CNKSR2: variants seen among roughly 807,000 people sequenced by gnomAD.
CNKSR2 encodes connector enhancer of kinase suppressor of Ras 2.
A neutral mutation model predicts 84.4 loss-of-function variants in CNKSR2; 14 were observed. That is an observed-to-expected ratio of 0.17 (90% CI 0.11 to 0.26). CNKSR2 has a LOEUF of 0.26. CNKSR2 is among the 10% of genes least tolerant of loss of function. The probability of loss-of-function intolerance (pLI) is 1.00; values close to 1 mark genes in which losing one functional copy is unlikely to be tolerated. For synonymous variants in CNKSR2, 275 were observed against 277.9 expected (o/e 0.99, Z 0.10); for missense variants, 485 against 771.2 (o/e 0.63, Z 4.40).
intron 18 of CNKSR2, among the ~76,000 whole-genome samples, chrX:21,603,326 A>G (rs779602898): frequency 8.9e-6 from 1 of 112,367 alleles, no homozygotes; most frequent in South Asian, 3.7e-4. Flanking sequence ...ATTAGGTTGC[A>G]TGGTATTCCA....
intron 3 of CNKSR2, among the ~76,000 whole-genome samples, chrX:21,434,823 T>G (rs908327844): frequency 7.3e-5 from 8 of 109,527 alleles, no homozygotes; most frequent in Non-Finnish European, 1.5e-4. Flanking sequence ...ATCTTTAATT[T>G]TATTCTAGAT....
chrX:21,387,532 T>C (rs2089986210), intron 1 of CNKSR2, among the ~76,000 whole-genome samples: 1 of 111,873 alleles, frequency 8.9e-6, no homozygotes, highest in African/African-American at 3.3e-5. Flanking sequence ...TGAGGAACTA[T>C]AACACTATTA....
At chrX:21,506,412 G>A (rs1007824093) in intron 8 of CNKSR2, 3 of 111,288 alleles carry the variant, frequency 2.7e-5, no homozygotes, top group Non-Finnish European at 5.7e-5. Flanking sequence ...TGGTTTATGA[G>A]AGCTTCATAG....
At chrX:21,463,473 G>A (rs932963886) in intron 4 of CNKSR2, among the ~76,000 whole-genome samples, 2 of 111,239 alleles carry the variant, frequency 1.8e-5, no homozygotes, top group African/African-American at 6.5e-5. Flanking sequence ...TTTCCTTTTT[G>A]GGAGACTTTT....
Position 21,609,591 on chromosome X carries a change from C to A in CNKSR2, c.2666C>A (p.Ala889Glu), listed in dbSNP as rs893893504. The A allele has an allele frequency of 2.5e-6, 3 of 1,202,520 alleles. No individual in the cohort carries two copies. The highest frequency in any genetic ancestry group is 2.2e-5 in the Admixed American group (1 of 45,278). ...EEEEEEEEGE[A>E]AGENIGEKSE... is the part of the protein sequence containing the mutation. Reference sequence around the variant, plus strand: ...GAGGAGGAGGAGGAGGAAGGGGAGGCAGCAGGGGAAAACATAGGAGAAAAA... The same window carrying A: ...GAGGAGGAGGAGGAGGAAGGGGAGGAAGCAGGGGAAAACATAGGAGAAAAA... Residue 889 changes from alanine to glutamate, a missense_variant, in exon 20 of 22, where the codon GCA becomes GAA. By Grantham distance (107) the Ala-to-Glu change is moderately radical. This residue lies in a region of CNKSR2 where 210 missense variants were observed against 291.5 expected (regional missense o/e 0.72). Transcript: ENST00000379510.
In CNKSR2 at chrX:21,590,804, T is replaced by C. The variant is rs780846004; in HGVS notation, c.1657+184T>C. 4.6e-5 allele frequency: 22 copies of C among 476,695 alleles called. 1 individual carries two copies. The highest frequency in any genetic ancestry group is 4.1e-4 in the African/African-American group (17 of 41,226). 39.3% of individuals were successfully genotyped at this position (476,695 alleles called of 1,213,427 possible). On this transcript the variant is annotated intron_variant, in intron 14 of 21. Transcript: ENST00000379510. The stretch of plus-strand genomic sequence containing the variant: ...AATACAAGGTACCTTTTACAACAAA[T>C]GATCTCAATAAGTTTTGAGAGTGGT...
At chrX:21,629,704 T>A (rs752804854) in intron 20 of CNKSR2, among the ~76,000 whole-genome samples, 3 of 112,066 alleles carry the variant, frequency 2.7e-5, no homozygotes, top group Non-Finnish European at 3.8e-5. Flanking sequence ...CTCGTGGGAA[T>A]TATGGGTGCT....
chrX:21,431,878 A>G (rs906352680), intron 2 of CNKSR2, among the ~76,000 whole-genome samples: 1 of 112,013 alleles, frequency 8.9e-6, no homozygotes, highest in South Asian at 3.7e-4. Context: ...GAGAACAAAG[A>G]AAAGAAGAAA....
At chrX:21,534,472 G>A (rs761629487) in intron 11 of CNKSR2, among the ~76,000 whole-genome samples, 6 of 110,163 alleles carry the variant, frequency 5.4e-5, no homozygotes, top group East Asian at 5.7e-4. Context: ...ATGCTGAATC[G>A]TATGGTAGTC....
intron 2 of CNKSR2, chrX:21,428,951 G>A: frequency 8.9e-6 from 1 of 111,839 alleles, no homozygotes; most frequent in Non-Finnish European, 1.9e-5. Context: ...GCTACACGAT[G>A]CATTCAAATT....
chrX:21,409,348 T>C (rs1285257540), intron 1 of CNKSR2, among the ~76,000 whole-genome samples: 1 of 99,288 alleles, frequency 1.0e-5, no homozygotes, highest in Non-Finnish European at 2.0e-5. Context: ...ACCATCCTGA[T>C]TCAAATGCAT....
intron 9 of CNKSR2, among the ~76,000 whole-genome samples, chrX:21,518,194 A>G (rs1569217812): frequency 9.0e-6 from 1 of 110,993 alleles, no homozygotes; most frequent in Non-Finnish European, 1.9e-5. Context: ...TTCCCATTAC[A>G]TTATTTTTTT....
At chrX:21,567,087 C>T (rs1411048059) in intron 13 of CNKSR2, among the ~76,000 whole-genome samples, 2 of 111,375 alleles carry the variant, frequency 1.8e-5, no homozygotes, top group East Asian at 2.8e-4. Context: ...CTTTTTTCTC[C>T]CAAGAATTCC....
At chrX:21,467,020 G>A (rs932805717) in intron 4 of CNKSR2, among the ~76,000 whole-genome samples, 1 of 111,620 alleles carries the variant, frequency 9.0e-6, no homozygotes, top group Admixed American at 9.5e-5. Flanking sequence ...AAAGAAATAA[G>A]TTTAATGGGA....
rs951145881 is a variant in CNKSR2, at chrX:21,564,375, G to A, written c.1608+923G>A. On this transcript the variant is annotated intron_variant, in intron 13 of 21. Coordinates refer to ENST00000379510, the MANE Select transcript of CNKSR2 (RefSeq NM_014927.5). ...ATCAGAAGCAGGGCTATTAAGTCCA[G>A]GCCATATGGATGATGAGAAACTAGG... Among the ~76,000 whole-genome samples, 4 of 111,654 alleles carry A rather than the reference G, an allele frequency of 3.6e-5. No homozygotes were observed. The Admixed American group carries it at 3.8e-4, about 11-fold the overall frequency.
chrX:21,379,031 T>G (rs1459708851), intron 1 of CNKSR2, among the ~76,000 whole-genome samples: 2 of 112,422 alleles, frequency 1.8e-5, no homozygotes, highest in African/African-American at 6.5e-5. Flanking sequence ...ATCTTGAGGA[T>G]AGAAAATAAA....
intron 16 of CNKSR2, 47 bp from the exon 17 acceptor site, chrX:21,595,277 A>G: frequency 2.0e-6 from 2 of 1,013,582 alleles, no homozygotes; most frequent in Non-Finnish European, 2.8e-6. Context: ...ATTTGGTTCA[A>G]ACTTATTTCC....
At chrX:21,413,485 G>A (rs1244076584) in intron 1 of CNKSR2, among the ~76,000 whole-genome samples, 2 of 110,426 alleles carry the variant, frequency 1.8e-5, no homozygotes, top group East Asian at 2.9e-4. Flanking sequence ...ATATTAAAAT[G>A]TACAATTAAA....
chrX:21,389,962 G>A (rs915502213), intron 1 of CNKSR2, among the ~76,000 whole-genome samples: 2 of 112,038 alleles, frequency 1.8e-5, no homozygotes, highest in Admixed American at 1.9e-4. Context: ...TTTAAGAAAA[G>A]GAGATTAAAT....
Sources: gnomAD v4.1 joint callset for allele counts (sites outside exome capture counted in the v4.1 genomes callset) on GRCh38, gnomAD v4.1.1 for gene constraint, gnomAD v4.1.1 regional missense constraint, MANE v1.5 for transcripts, NCBI Gene and HGNC (gene_info 2026-07-23, HGNC 2026-07-21) for gene names.